The following COL5A1 variants were observed in gnomAD, a reference collection of about 807,000 sequenced individuals.
COL5A1 encodes the protein collagen type V alpha 1 chain.
A neutral mutation model predicts 263.7 loss-of-function variants in COL5A1; 16 were observed. The observed-to-expected ratio is 0.06, with a 90% CI of 0.04 to 0.09. COL5A1 has a LOEUF of 0.09. Among genes scored for constraint, COL5A1 ranks in the 10% least tolerant of loss-of-function variants. The pLI is 1.00. For missense variants in COL5A1, 2,036 were observed against 2,540.5 expected (o/e 0.80, Z 4.27); for synonymous variants, 1,012 against 1,004.5 (o/e 1.01, Z -0.14).
chr9:134,793,723 G>C (rs962067468), intron 32 of COL5A1, among the ~76,000 whole-genome samples: 38 of 152,192 alleles, frequency 2.5e-4, no homozygotes, highest in African/African-American at 9.2e-4. Context: ...CATCAGGTTG[G>C]CCGTGGGCAT....
chr9:134,771,696 G>A, intron 25 of COL5A1, among the ~76,000 whole-genome samples: 1 of 152,192 alleles, frequency 6.6e-6, no homozygotes, highest in East Asian at 1.9e-4. Flanking sequence ...AGGTAGAAGA[G>A]CATCTTGCCA....
At chr9:134,739,460 G>T (rs1835222712) in intron 11 of COL5A1, among the ~76,000 whole-genome samples, 1 of 152,248 alleles carries the variant, frequency 6.6e-6, no homozygotes, top group African/African-American at 2.4e-5. Context: ...GAGAAACAAG[G>T]GCTGCGTGCG....
At chr9:134,688,716 G>A (rs536652230) in intron 1 of COL5A1, among the ~76,000 whole-genome samples, 2 of 152,304 alleles carry the variant, frequency 1.3e-5, no homozygotes, top group African/African-American at 4.8e-5. Context: ...CCACGCCGCA[G>A]TGGGAAATCC....
chr9:134,781,899 G>T lies in COL5A1; in HGVS notation c.2431-768G>T, dbSNP rs180808162. On this transcript the variant is annotated intron_variant, in intron 28 of 65. Transcript: ENST00000371817. ...GCCGGGCCTTGAATGTTTACGACCG[G>T]CTGAGTCCCCAGATCCTGTCCTTTC... 2.7e-4 allele frequency among the ~76,000 whole-genome samples: 41 copies of T among 152,296 alleles called. No individual in the cohort carries two copies. The South Asian group carries it at 8.3e-3, about 31-fold the overall frequency.
chr9:134,784,955 GT>G lies in COL5A1; in HGVS notation c.2485-33del, dbSNP rs1564456937. 7.3e-6 allele frequency: 11 copies of G among 1,502,060 alleles called. No individual in the cohort carries two copies. The African/African-American group carries it at 1.4e-4, about 19-fold the overall frequency. 93.0% of individuals were successfully genotyped at this position (1,502,060 alleles called of 1,614,324 possible). A position where few individuals can be genotyped will look rare whatever the true frequency, so the allele number is the denominator to read the frequency against. The stretch of plus-strand genomic sequence containing the variant: ...GTGGAGAATAGTGTGTGTGCGGGGG[GT>G]GGTCTTCTCACCTCCTCTTTTCTGG... On this transcript the variant is annotated intron_variant, in intron 29 of 65. Coordinates refer to ENST00000371817, the MANE Select transcript of COL5A1 (RefSeq NM_000093.5).
At chr9:134,813,420 C>G (rs1455777349) in intron 48 of COL5A1, among the ~76,000 whole-genome samples, 1 of 152,218 alleles carries the variant, frequency 6.6e-6, no homozygotes, top group Admixed American at 6.5e-5. Context: ...TGGAAGACGC[C>G]TTCCACCGCT....
intron 4 of COL5A1, among the ~76,000 whole-genome samples, chr9:134,704,214 G>C (rs3109670): frequency 6.6e-6 from 1 of 151,716 alleles, no homozygotes; most frequent in Non-Finnish European, 1.5e-5. Flanking sequence ...TGTTTCCCAG[G>C]GGTGAGATCT....
intron 32 of COL5A1, among the ~76,000 whole-genome samples, chr9:134,790,605 C>CCCACCCATCCATCCAT (rs775802212): frequency 3.5e-4 from 30 of 84,546 alleles, no homozygotes; most frequent in African/African-American, 1.6e-3. Flanking sequence ...CATCCACCCA[C>CCCACCCATCCATCCAT]CCATCCATCC....
At chr9:134,645,557 G>A (rs1451902727) in intron 1 of COL5A1, among the ~76,000 whole-genome samples, 1 of 152,220 alleles carries the variant, frequency 6.6e-6, no homozygotes, top group African/African-American at 2.4e-5. Context: ...GAATGGCCTT[G>A]GGAGACAATC....
intron 1 of COL5A1, among the ~76,000 whole-genome samples, chr9:134,679,287 C>CG (rs1832766236): frequency 1.1e-5 from 1 of 87,300 alleles, no homozygotes; most frequent in Non-Finnish European, 2.4e-5. Context: ...GGGGCACTGC[C>CG]GGGCTGGTTG....
In COL5A1 at chr9:134,647,203, G is replaced by C. The variant is rs571802095; in HGVS notation, c.109+4907G>C. On this transcript the variant is annotated intron_variant, in intron 1 of 65. Transcript: ENST00000371817. The surrounding 1 kb of genome is among the most constrained non-coding windows in gnomAD (Gnocchi z 5.0). ...GACCCCTGGGGCTCTGCTGTTGCCC[G>C]CTTAGCCGGTCTCTGCTGCCCCTTT... Among the ~76,000 whole-genome samples the C allele has an allele frequency of 6.6e-6, 1 of 152,186 alleles. No individual in the cohort carries two copies. The highest frequency in any genetic ancestry group is 6.5e-5 in the Admixed American group (1 of 15,290).
At position 134,819,063 on chromosome 9, in the gene COL5A1, G is replaced by A. The variant is rs1838886927; in HGVS notation, c.4446+10G>A. On this transcript the variant is annotated intron_variant, in intron 57 of 65. Coordinates refer to ENST00000371817, the MANE Select transcript of COL5A1 (RefSeq NM_000093.5). ...TCCCAAAGGTGAAAAGGTAAGAGGGGCCTCCCTGCCCCAGCAACTGTGACT... is the reference window on the plus strand; with the variant it reads ...TCCCAAAGGTGAAAAGGTAAGAGGGACCTCCCTGCCCCAGCAACTGTGACT... 1.9e-6 allele frequency: 3 copies of A among 1,613,126 alleles called. No individual in the cohort carries two copies. The highest frequency in any genetic ancestry group is 4.5e-5 in the East Asian group (2 of 44,882).
intron 1 of COL5A1, among the ~76,000 whole-genome samples, chr9:134,663,222 G>A (rs1450548793): frequency 6.6e-6 from 1 of 152,290 alleles, no homozygotes; most frequent in Non-Finnish European, 1.5e-5. Context: ...TGCCTGGCCT[G>A]ACCTGGGCTG....
intron 4 of COL5A1, among the ~76,000 whole-genome samples, chr9:134,703,191 G>T (rs952207490): frequency 2.0e-4 from 30 of 152,208 alleles, no homozygotes; most frequent in African/African-American, 7.2e-4. Flanking sequence ...CTTCGGTAGA[G>T]CAGGGCGGGT....
chr9:134,826,723 TGTGTGGGTGTGTAC>T (rs1198648003), intron 63 of COL5A1, among the ~76,000 whole-genome samples: 2 of 87,140 alleles, frequency 2.3e-5, no homozygotes, highest in African/African-American at 1.1e-4. Context: ...GTGTGGGTGG[TGTGTGGGTGTGTAC>T]ATGGTGTTCG....
intron 51 of COL5A1, 61 bp from the exon 52 acceptor site, chr9:134,815,874 T>C (rs1285632435): frequency 6.3e-7 from 1 of 1,585,966 alleles, no homozygotes; most frequent in African/African-American, 1.3e-5. Flanking sequence ...CATTGGGAAC[T>C]GGTGCATGAA....
At chr9:134,784,771 C>T (rs780298990) in intron 29 of COL5A1, among the ~76,000 whole-genome samples, 20 of 152,258 alleles carry the variant, frequency 1.3e-4, no homozygotes, top group African/African-American at 4.1e-4. Flanking sequence ...GACCAGCTTC[C>T]GCAGAGCCCG....
Position 134,822,723 on chromosome 9 carries a change from C to A in COL5A1, c.4609-275C>A, listed in dbSNP as rs546081309. On this transcript the variant is annotated intron_variant, in intron 59 of 65. Coordinates refer to ENST00000371817, the MANE Select transcript of COL5A1 (RefSeq NM_000093.5). The stretch of plus-strand genomic sequence containing the variant: ...AGGACATGCTCTTTTCCGCTGCGCC[C>A]CCCCCGCGGCTGTCTGAGCTGGGGT... Among the ~76,000 whole-genome samples the A allele has an allele frequency of 2.0e-5, 3 of 150,586 alleles. No homozygotes were observed. In the East Asian group the frequency reaches 5.8e-4, roughly 29 times the overall value.
intron 18 of COL5A1, among the ~76,000 whole-genome samples, chr9:134,759,396 CAT>C (rs1836141111): frequency 7.3e-6 from 1 of 136,998 alleles, no homozygotes; most frequent in South Asian, 2.4e-4. Flanking sequence ...CACACATACG[CAT>C]ACACACCCAC....
Sources: gnomAD v4.1 joint callset for allele counts (sites outside exome capture counted in the v4.1 genomes callset) on GRCh38, gnomAD v4.1.1 for gene constraint, Gnocchi (gnomAD v3.1) non-coding constraint, MANE v1.5 for transcripts, NCBI Gene and HGNC (gene_info 2026-07-23, HGNC 2026-07-21) for gene names.